Variants in SNX29 observed in about 807,000 individuals in gnomAD.
SNX29 encodes sorting nexin 29, also known as sorting nexin-29.
Under a neutral mutation model 102.1 loss-of-function variants are expected in SNX29, and 78 were observed. The observed-to-expected ratio is 0.76, with a 90% CI of 0.64 to 0.92. The LOEUF is 0.92. SNX29 is among the 40% of genes least tolerant of loss of function. SNX29 has a pLI of 0.00. For synonymous variants in SNX29, 580 were observed against 414.5 expected (o/e 1.40, Z -4.85); for missense variants, 1,280 against 1,061.7 (o/e 1.21, Z -2.86).
chr16:12,516,591 A>G lies in SNX29; in HGVS notation c.2179-8111A>G, dbSNP rs182825908. ...TTCTAGAATTCTCTAGCCAGTGACA[A>G]GTTCCTATATCAGCTGACTCCAAAG... On this transcript the variant is annotated intron_variant, in intron 19 of 20. Coordinates refer to ENST00000566228, the MANE Select transcript of SNX29 (RefSeq NM_032167.5). 2.5e-3 allele frequency among the ~76,000 whole-genome samples: 373 copies of G among 152,224 alleles called. 1 individual carries two copies. Among genetic ancestry groups the G allele is most frequent in the African/African-American group, 8.8e-3 (367 of 41,512 alleles).
chr16:12,021,634 TC>T (rs1281190199), intron 3 of SNX29, among the ~76,000 whole-genome samples: 5 of 152,064 alleles, frequency 3.3e-5, no homozygotes, highest in Admixed American at 6.6e-5. Context: ...ACTTCTGTAA[TC>T]CTAGCACTTT....
At chr16:12,279,726 T>C (rs2079372065) in intron 15 of SNX29, among the ~76,000 whole-genome samples, 2 of 152,350 alleles carry the variant, frequency 1.3e-5, no homozygotes, top group African/African-American at 2.4e-5. Flanking sequence ...CAGCCACTTA[T>C]TGGCAAATGG....
At chr16:12,288,445 G>A (rs189863205) in intron 15 of SNX29, among the ~76,000 whole-genome samples, 3 of 152,274 alleles carry the variant, frequency 2.0e-5, no homozygotes. Context: ...CCCTCTGTTT[G>A]CGGGGTCACC....
chr16:12,558,027 T>C (rs1224047004), intron 20 of SNX29, among the ~76,000 whole-genome samples: 3 of 152,142 alleles, frequency 2.0e-5, no homozygotes, highest in Non-Finnish European at 4.4e-5. Flanking sequence ...GGGAGAGCAC[T>C]GTGAGGTAAT....
At chr16:12,323,183 G>A (rs1489188855) in intron 15 of SNX29, among the ~76,000 whole-genome samples, 1 of 101,174 alleles carries the variant, frequency 9.9e-6, no homozygotes, top group Admixed American at 9.0e-5. Context: ...TGGAGTCACC[G>A]GGGACCACTG....
chr16:12,536,469 T>G (rs1335707496), intron 20 of SNX29, among the ~76,000 whole-genome samples: 3 of 152,226 alleles, frequency 2.0e-5, no homozygotes, highest in Non-Finnish European at 2.9e-5. Flanking sequence ...GCTATGCCGT[T>G]TACTTTATCA....
rs777964941 is a variant in SNX29 at position 12,403,470 on chromosome 16, G to A, written c.1978G>A (p.Val660Ile). ...FEISNRALIN[V>I]WIPSVFLRGK... Reference sequence around the variant, plus strand: ...TAGATCAAACCGGGCGCTGATCAACGTCTGGATCCCCTCAGTGTTTCTCCG... The same window carrying A: ...TAGATCAAACCGGGCGCTGATCAACATCTGGATCCCCTCAGTGTTTCTCCG... Residue 660 changes from valine to isoleucine, a missense_variant, in exon 18 of 21, where the codon GTC (valine) becomes ATC (isoleucine). Val to Ile is a conservative substitution (Grantham distance 29, BLOSUM62 3). Coordinates refer to ENST00000566228, the MANE Select transcript of SNX29 (RefSeq NM_032167.5). 2.5e-6 allele frequency: 4 copies of A among 1,609,054 alleles called. No homozygotes were observed. The highest frequency in any genetic ancestry group is 3.4e-6 in the Non-Finnish European group (4 of 1,177,726).
chr16:12,549,285 A>G (rs908890607), intron 20 of SNX29, among the ~76,000 whole-genome samples: 7 of 152,146 alleles, frequency 4.6e-5, no homozygotes, highest in African/African-American at 7.2e-5. Flanking sequence ...ACTCAGGGTC[A>G]GAAGTTGGAA....
intron 20 of SNX29, among the ~76,000 whole-genome samples, chr16:12,537,817 A>C (rs993234471): frequency 3.3e-5 from 5 of 152,106 alleles, no homozygotes; most frequent in African/African-American, 7.2e-5. Context: ...AGGTGTGTCC[A>C]CAGCATATAA....
chr16:12,142,585 A>C (rs1288920936), intron 13 of SNX29, among the ~76,000 whole-genome samples: 3 of 151,984 alleles, frequency 2.0e-5, no homozygotes, highest in Admixed American at 1.3e-4. Context: ...TGTTTTTGAG[A>C]CGGAGTTTTG....
chr16:12,084,098 A>G (rs58922436), intron 11 of SNX29, among the ~76,000 whole-genome samples: 29,257 of 152,088 alleles, frequency 0.19, 3,053 homozygotes, highest in African/African-American at 0.27. Flanking sequence ...TCCTACTGCA[A>G]GGCCCTCTGG....
At chr16:12,547,800 C>T (rs898941610) in intron 20 of SNX29, among the ~76,000 whole-genome samples, 2 of 152,184 alleles carry the variant, frequency 1.3e-5, no homozygotes, top group African/African-American at 2.4e-5. Context: ...AGAATGGGCT[C>T]AAGAATGCTC....
chr16:12,186,253 A>C (rs150895498), intron 13 of SNX29, among the ~76,000 whole-genome samples: 59 of 152,308 alleles, frequency 3.9e-4, no homozygotes, highest in African/African-American at 1.3e-3. Flanking sequence ...ATTTTGAAGT[A>C]ATCTGAGATT....
intron 19 of SNX29, among the ~76,000 whole-genome samples, chr16:12,492,519 A>G (rs1381461020): frequency 2.0e-5 from 3 of 152,068 alleles, no homozygotes; most frequent in African/African-American, 7.2e-5. Context: ...TGCTGTGCAG[A>G]AGCTCTTTAG....
At chr16:12,107,072 C>T (rs350246) in intron 11 of SNX29, among the ~76,000 whole-genome samples, 76,045 of 152,106 alleles carry the variant, frequency 0.5, 20,339 homozygotes, top group East Asian at 0.69. Flanking sequence ...CCCTCCTCGG[C>T]GTCCCAGAGT....
intron 15 of SNX29, among the ~76,000 whole-genome samples, chr16:12,293,891 C>G (rs1748819724): frequency 6.6e-6 from 1 of 152,166 alleles, no homozygotes; most frequent in African/African-American, 2.4e-5. Context: ...TTCCTAAGCA[C>G]TTTATTTATC....
At chr16:12,405,411 T>C (rs1178798568) in intron 18 of SNX29, among the ~76,000 whole-genome samples, 1 of 152,178 alleles carries the variant, frequency 6.6e-6, no homozygotes, top group Non-Finnish European at 1.5e-5. Context: ...CTTTACGGTG[T>C]GAAGCTCTCA....
intron 14 of SNX29, among the ~76,000 whole-genome samples, chr16:12,216,489 C>T (rs564227773): frequency 3.9e-5 from 6 of 152,302 alleles, no homozygotes; most frequent in African/African-American, 1.2e-4. Context: ...CACGTGTGTC[C>T]GAGATGACAA....
chr16:11,997,306 C>G (rs1476685552), intron 1 of SNX29, among the ~76,000 whole-genome samples: 1 of 152,126 alleles, frequency 6.6e-6, no homozygotes, highest in Non-Finnish European at 1.5e-5. Context: ...CTTTCCATAG[C>G]TGTTCCTTCT....
Sources: gnomAD v4.1 joint callset for allele counts (sites outside exome capture counted in the v4.1 genomes callset) on GRCh38, gnomAD v4.1.1 for gene constraint, MANE v1.5 for transcripts, NCBI Gene and HGNC (gene_info 2026-07-23, HGNC 2026-07-21) for gene names.